Variants in STK39 observed in about 807,000 individuals in gnomAD.
STK39 encodes the protein STE20/SPS1-related proline-alanine-rich protein kinase.
In STK39, 20 loss-of-function variants were observed where a neutral mutation model predicts 77.8. The observed-to-expected ratio is 0.26, with a 90% CI of 0.18 to 0.37. The LOEUF (loss-of-function observed/expected upper bound fraction) is 0.37, where lower values mean the gene tolerates loss of function less well. STK39 is among the 10% of genes least tolerant of loss of function. The pLI is 1.00. For synonymous variants in STK39, 246 were observed against 234.1 expected, an observed-to-expected ratio of 1.05 and a Z score of -0.47; for missense variants, 479 against 656.5, an observed-to-expected ratio of 0.73 and a Z score of 2.95.
intron 1 of STK39, among the ~76,000 whole-genome samples, chr2:168,193,016 A>G (rs1027030949): frequency 2.6e-5 from 4 of 152,206 alleles, no homozygotes; most frequent in African/African-American, 9.6e-5. Context: ...TTATGCCAGG[A>G]AAGTGACTCA....
At chr2:168,129,682 G>C (rs1437927325) in intron 9 of STK39, 28 bp downstream of exon 9, 5 of 1,614,020 alleles carry the variant, frequency 3.1e-6, no homozygotes, top group Non-Finnish European at 4.2e-6. Flanking sequence ...AAAAATAGCA[G>C]ATTTACTTGG....
rs566388746 is a variant in STK39 at position 168,110,658 on chromosome 2, T to A, written c.1089+18883A>T. Among the ~76,000 whole-genome samples, 3 of 152,348 alleles carry A rather than the reference T, an allele frequency of 2.0e-5. No individual in the cohort carries two copies. In the East Asian group the frequency reaches 5.8e-4, roughly 29 times the overall value. On this transcript the variant is annotated intron_variant, in intron 10 of 17. Coordinates refer to ENST00000355999, the MANE Select transcript of STK39 (RefSeq NM_013233.3). ...CCTGTCATACATCAAGTTTTCCTTA[T>A]ACCTGAGGGTCTACTTCTGGGTTCT...
At position 168,039,053 on chromosome 2, in the gene STK39, C is replaced by A. The variant is rs150303051; in HGVS notation, c.1377-21958G>T. 4.6e-4 allele frequency among the ~76,000 whole-genome samples: 70 copies of A among 152,028 alleles called. 1 individual carries two copies. The highest frequency in any genetic ancestry group is 1.7e-3 in the African/African-American group (69 of 41,468). The stretch of plus-strand genomic sequence containing the variant: ...AACTAGAAATTTTTCAAAGAGAAAT[C>A]AAAATATAGACCACTTAAAGACTAT... On this transcript the variant is annotated intron_variant, in intron 14 of 17. Transcript: ENST00000355999.
At chr2:168,061,464 CA>C (rs11296775) in intron 14 of STK39, among the ~76,000 whole-genome samples, 118,439 of 152,060 alleles carry the variant, frequency 0.78, 46,502 homozygotes, top group African/African-American at 0.86. Context: ...TTATGATTTC[CA>C]AAAAAAAGTG....
At chr2:168,133,949 G>T (rs979565230) in intron 8 of STK39, among the ~76,000 whole-genome samples, 5 of 151,978 alleles carry the variant, frequency 3.3e-5, no homozygotes, top group Non-Finnish European at 5.9e-5. Context: ...GGTTTTTTTG[G>T]TTTTTATTTT....
chr2:168,194,143 G>A (rs983837547), intron 1 of STK39, among the ~76,000 whole-genome samples: 1 of 152,306 alleles, frequency 6.6e-6, no homozygotes, highest in Non-Finnish European at 1.5e-5. Flanking sequence ...GCCTAGCATG[G>A]TGACTCATGC....
At chr2:168,222,796 T>C (rs1211270191) in intron 1 of STK39, among the ~76,000 whole-genome samples, 1 of 152,132 alleles carries the variant, frequency 6.6e-6, no homozygotes, top group Non-Finnish European at 1.5e-5. Context: ...GGTACACTGA[T>C]GTGGAAAATA....
At chr2:168,050,483 G>T (rs187482822) in intron 14 of STK39, among the ~76,000 whole-genome samples, 20 of 152,300 alleles carry the variant, frequency 1.3e-4, no homozygotes, top group African/African-American at 4.6e-4. Flanking sequence ...GGATTATCCT[G>T]GTGAGACCAT....
At chr2:168,016,413 A>AAC (rs869200217) in intron 15 of STK39, among the ~76,000 whole-genome samples, 1 of 144,854 alleles carries the variant, frequency 6.9e-6, no homozygotes, top group African/African-American at 2.6e-5. Context: ...AAAAAAAAAA[A>AAC]CAACACTACT....
At chr2:168,236,302 G>T (rs1042497888) in intron 1 of STK39, among the ~76,000 whole-genome samples, 47 of 152,190 alleles carry the variant, frequency 3.1e-4, no homozygotes, top group Middle Eastern at 3.4e-3. Context: ...TGATGGGGTT[G>T]TTTTTTTCTT....
intron 3 of STK39, among the ~76,000 whole-genome samples, chr2:168,166,965 C>T (rs568309021): frequency 1.6e-4 from 24 of 152,086 alleles, no homozygotes; most frequent in African/African-American, 5.5e-4. Flanking sequence ...ACATGGAAAA[C>T]AAAGGAGAGA....
intron 16 of STK39, among the ~76,000 whole-genome samples, chr2:167,984,379 T>C (rs1247978938): frequency 6.6e-6 from 1 of 152,128 alleles, no homozygotes; most frequent in Non-Finnish European, 1.5e-5. Context: ...AATTTACATC[T>C]TAAATGAGGA....
rs1469215402 is a variant in STK39, at chr2:168,040,729, A to T, written c.1376+22771T>A. ...GGCATCTTCATACCTTTAATTGACA[A>T]AATGTTTATATTTCTGAAACCCCAG... On this transcript the variant is annotated intron_variant, in intron 14 of 17. Coordinates refer to ENST00000355999, the MANE Select transcript of STK39 (RefSeq NM_013233.3). Among the ~76,000 whole-genome samples the T allele has an allele frequency of 3.9e-5, 6 of 152,200 alleles. 1 individual carries two copies. Among genetic ancestry groups the T allele is most frequent in the Admixed American group, 1.3e-4 (2 of 15,286 alleles).
chr2:167,982,696 T>C (rs949036882), intron 16 of STK39, among the ~76,000 whole-genome samples: 1 of 152,158 alleles, frequency 6.6e-6, no homozygotes, highest in African/African-American at 2.4e-5. Context: ...TGGCATCTAA[T>C]AGGCACTGAT....
rs777687899 is a variant in STK39, at chr2:168,140,634, T to G, written c.738+15A>C. 3.8e-6 allele frequency: 6 copies of G among 1,580,294 alleles called. No individual in the cohort carries two copies. In the South Asian group the frequency reaches 6.9e-5, roughly 18 times the overall value. On this transcript the variant is annotated intron_variant, in intron 6 of 17. Transcript: ENST00000355999. ...TACTATGTCCATCAAAAAGTCACTT[T>G]TTTTGTTTTTTTACCTGTTCCATGA...
intron 16 of STK39, among the ~76,000 whole-genome samples, chr2:168,010,680 G>C (rs1375946610): frequency 6.6e-6 from 1 of 152,172 alleles, no homozygotes; most frequent in Non-Finnish European, 1.5e-5. Context: ...TCAATGTGTA[G>C]AGTTAATGTA....
At chr2:168,216,408 C>A (rs191966438) in intron 1 of STK39, among the ~76,000 whole-genome samples, 1 of 152,324 alleles carries the variant, frequency 6.6e-6, no homozygotes, top group Admixed American at 6.5e-5. Context: ...AAATAAGAAA[C>A]ACAAGTAGCA....
At chr2:168,137,864 ACAC>A (rs1403641835) in intron 8 of STK39, among the ~76,000 whole-genome samples, 7 of 152,232 alleles carry the variant, frequency 4.6e-5, no homozygotes, top group Non-Finnish European at 1.0e-4. Flanking sequence ...AATCTTGTTA[ACAC>A]CACAATTTTT....
intron 1 of STK39, among the ~76,000 whole-genome samples, chr2:168,219,878 T>TC (rs892901583): frequency 2.7e-4 from 26 of 97,132 alleles, no homozygotes; most frequent in African/African-American, 6.2e-4. Flanking sequence ...GCTTTTTTTT[T>TC]TTTTTTTGCA....
Sources: allele counts gnomAD v4.1 joint callset (sites outside exome capture counted in the v4.1 genomes callset), GRCh38; gene constraint gnomAD v4.1.1; transcripts MANE v1.5; gene names NCBI Gene and HGNC (gene_info 2026-07-23, HGNC 2026-07-21).